Variants in TBL1XR1 observed in about 807,000 individuals in gnomAD.
TBL1XR1 encodes the protein TBL1X/Y related 1, also known as F-box-like/WD repeat-containing protein TBL1XR1.
TBL1XR1 carries 5 observed loss-of-function variants against 66.9 expected under a neutral mutation model. The observed-to-expected ratio is 0.07, with a 90% confidence interval of 0.04 to 0.16. The LOEUF (loss-of-function observed/expected upper bound fraction) is 0.16, where lower values mean the gene tolerates loss of function less well. Among genes scored for constraint, TBL1XR1 ranks in the 10% least tolerant of loss-of-function variants. The pLI, the probability that TBL1XR1 is intolerant of heterozygous loss-of-function variation, is 1.00. For synonymous variants in TBL1XR1, 210 were observed against 206.0 expected, an observed-to-expected ratio of 1.02 and a Z score of -0.17; for missense variants, 238 against 623.2, an observed-to-expected ratio of 0.38 and a Z score of 6.58.
chr3:177,039,032 T>C (rs555466684), intron 10 of TBL1XR1, among the ~76,000 whole-genome samples: 1 of 152,290 alleles, frequency 6.6e-6, no homozygotes, highest in East Asian at 1.9e-4. Flanking sequence ...ATTCCACACA[T>C]TAAATGCTTA....
intron 1 of TBL1XR1, among the ~76,000 whole-genome samples, chr3:177,131,991 TAA>T (rs903604494): frequency 3.3e-5 from 5 of 150,556 alleles, no homozygotes; most frequent in Non-Finnish European, 7.4e-5. Context: ...ATTCCTGAAA[TAA>T]GAGAGGTAAT....
At chr3:177,159,465 T>C (rs1731909590) in intron 1 of TBL1XR1, among the ~76,000 whole-genome samples, 1 of 152,160 alleles carries the variant, frequency 6.6e-6, no homozygotes, top group Non-Finnish European at 1.5e-5. Flanking sequence ...TATATATAAT[T>C]TATACACATA....
At chr3:177,165,647 A>T (rs1005759104) in intron 1 of TBL1XR1, among the ~76,000 whole-genome samples, 3 of 152,242 alleles carry the variant, frequency 2.0e-5, no homozygotes, top group Non-Finnish European at 2.9e-5. Flanking sequence ...CCCAGAATAC[A>T]TCTGTACATA....
At chr3:177,069,727 A>G (rs1294165013) in intron 2 of TBL1XR1, among the ~76,000 whole-genome samples, 1 of 151,156 alleles carries the variant, frequency 6.6e-6, no homozygotes, top group East Asian at 1.9e-4. Context: ...CAACAGAGGA[A>G]AACTCTGACG....
chr3:177,054,069 TGTGTGCGCGCGC>T (rs1295834352), intron 3 of TBL1XR1, among the ~76,000 whole-genome samples, 151 bp from the exon 4 acceptor site: 1 of 145,218 alleles, frequency 6.9e-6, no homozygotes, highest in African/African-American at 2.6e-5. Context: ...TGTGTGTGTG[TGTGTGCGCGCGC>T]GTGTGTGTGC....
chr3:177,138,469 G>T (rs1408432489), intron 1 of TBL1XR1, among the ~76,000 whole-genome samples: 2 of 152,118 alleles, frequency 1.3e-5, no homozygotes, highest in Non-Finnish European at 2.9e-5. Flanking sequence ...GCACACTCCT[G>T]TGATCCCAGC....
intron 1 of TBL1XR1, among the ~76,000 whole-genome samples, chr3:177,169,641 T>A (rs1487828912): frequency 1.3e-5 from 2 of 152,222 alleles, no homozygotes; most frequent in Non-Finnish European, 2.9e-5. Flanking sequence ...TGGTACAACT[T>A]TTCCAAAGGT....
intron 2 of TBL1XR1, among the ~76,000 whole-genome samples, chr3:177,082,738 T>TTTTTTATATATATATATATA: frequency 1.6e-5 from 1 of 63,234 alleles, no homozygotes; most frequent in Non-Finnish European, 3.0e-5. Context: ...AAGATAGAGA[T>TTTTTTATATATATATATATA]TATATATATA....
intron 1 of TBL1XR1, among the ~76,000 whole-genome samples, chr3:177,186,962 C>T (rs1482400900): frequency 1.3e-5 from 2 of 151,882 alleles, no homozygotes; most frequent in South Asian, 2.1e-4. Context: ...GTCAGGAGAT[C>T]GAGACCATCC....
Position 177,038,083 on chromosome 3 carries a change from T to C in TBL1XR1, c.1122+15A>G, listed in dbSNP as rs781151039. 6.2e-7 allele frequency: 1 copy of C among 1,611,428 alleles called. No individual in the cohort carries two copies. Among genetic ancestry groups the C allele is most frequent in the South Asian group, 1.1e-5 (1 of 90,930 alleles). On this transcript the variant is annotated intron_variant, in intron 12 of 15. Coordinates refer to ENST00000457928, the MANE Select transcript of TBL1XR1 (RefSeq NM_024665.7). ...GTGACACCGCCAACCCATTTCTCCC[T>C]ACTAAGCAAATTACCTTTAAAGTCA...
Position 177,134,969 on chromosome 3 carries a change from G to GTGTGTGTGTGTGTGTGTGTGTGTC in TBL1XR1, c.-121-36429_-121-36428insGACACACACACACACACACACACA, listed in dbSNP as rs146706429. Among the ~76,000 whole-genome samples the GTGTGTGTGTGTGTGTGTGTGTGTC allele has an allele frequency of 3.5e-3, 335 of 95,558 alleles. 1 individual carries two copies. Among genetic ancestry groups the GTGTGTGTGTGTGTGTGTGTGTGTC allele is most frequent in the Non-Finnish European group, 4.5e-3 (192 of 42,866 alleles). 62.7% of individuals were successfully genotyped at this position (95,558 alleles called of 152,430 possible). A position where few individuals can be genotyped will look rare whatever the true frequency, so the allele number is the denominator to read the frequency against. On this transcript the variant is annotated intron_variant, in intron 1 of 15. Coordinates refer to ENST00000457928, the MANE Select transcript of TBL1XR1 (RefSeq NM_024665.7). The stretch of plus-strand genomic sequence containing the variant: ...GCTGTGTGTGTGTGTGTGTGTGTCT[G>GTGTGTGTGTGTGTGTGTGTGTGTC]TGTGTGTGTCTGTGTGTGTGTGTTT...
Position 177,024,713 on chromosome 3 carries a change from G to GAAAAAAAAAAAAAAAAAAAC in TBL1XR1, c.*784_*785insGTTTTTTTTTTTTTTTTTTT, listed in dbSNP as rs148659524. ...AGCCACATCACCAAAAAACAAAAAA[G>GAAAAAAAAAAAAAAAAAAAC]AAAAAAAAAAAAAAAAAGCAAAACA... On this transcript the variant is annotated 3_prime_UTR_variant, in exon 16 of 16. Coordinates refer to ENST00000457928, the MANE Select transcript of TBL1XR1 (RefSeq NM_024665.7). 2 of 85,374 alleles carry GAAAAAAAAAAAAAAAAAAAC rather than the reference G, an allele frequency of 2.3e-5. No individual in the cohort carries two copies. Among genetic ancestry groups the GAAAAAAAAAAAAAAAAAAAC allele is most frequent in the Non-Finnish European group, 5.0e-5 (2 of 39,968 alleles). 5.3% of individuals were successfully genotyped at this position (85,374 alleles called of 1,614,324 possible). A position where few individuals can be genotyped will look rare whatever the true frequency, so the allele number is the denominator to read the frequency against.
At chr3:177,137,289 C>T (rs1269652317) in intron 1 of TBL1XR1, among the ~76,000 whole-genome samples, 2 of 151,990 alleles carry the variant, frequency 1.3e-5, no homozygotes, top group Non-Finnish European at 2.9e-5. Context: ...CCCAGGAATT[C>T]GAGACCAGCC....
intron 2 of TBL1XR1, chr3:177,091,069 TA>T (rs888259379): frequency 2.7e-5 from 4 of 145,486 alleles, no homozygotes; most frequent in African/African-American, 1.1e-4. Flanking sequence ...ATTGGGGAGA[TA>T]GGGGAGGGGA....
At chr3:177,058,201 T>A (rs1303714653) in intron 3 of TBL1XR1, among the ~76,000 whole-genome samples, 1 of 152,148 alleles carries the variant, frequency 6.6e-6, no homozygotes, top group Admixed American at 6.5e-5. Flanking sequence ...ATCTGATTGA[T>A]CCAAGGTCCT....
intron 2 of TBL1XR1, among the ~76,000 whole-genome samples, chr3:177,083,257 T>G (rs1721667500): frequency 1.3e-5 from 2 of 152,212 alleles, no homozygotes; most frequent in Admixed American, 1.3e-4. Context: ...CCATCTCCCA[T>G]TAATCATACT....
chr3:177,179,364 CTTG>C (rs1306808027), intron 1 of TBL1XR1, among the ~76,000 whole-genome samples: 1 of 152,170 alleles, frequency 6.6e-6, no homozygotes, highest in Non-Finnish European at 1.5e-5. Context: ...GAGCAATCTC[CTTG>C]TTGTACTGAC....
Position 177,166,569 on chromosome 3 carries a change from T to G in TBL1XR1, c.-122+30552A>C, listed in dbSNP as rs75349600. On this transcript the variant is annotated intron_variant, in intron 1 of 15. Coordinates refer to ENST00000457928, the MANE Select transcript of TBL1XR1 (RefSeq NM_024665.7). ...TGATGGTTTTATATGGGGCTCTTCC[T>G]ACTTCTCTTCCTTCACACTCTCTTG... Among the ~76,000 whole-genome samples, 326 of 152,332 alleles carry G rather than the reference T, an allele frequency of 2.1e-3. 2 individuals are homozygous for G. The highest frequency in any genetic ancestry group is 7.5e-3 in the African/African-American group (313 of 41,564).
At chr3:177,127,049 A>C (rs1727722346) in intron 1 of TBL1XR1, among the ~76,000 whole-genome samples, 1 of 152,206 alleles carries the variant, frequency 6.6e-6, no homozygotes, top group Admixed American at 6.5e-5. Flanking sequence ...ACAATACAAA[A>C]GTTTGATTGT....
Sources: allele counts gnomAD v4.1 joint callset (sites outside exome capture counted in the v4.1 genomes callset), GRCh38; gene constraint gnomAD v4.1.1; transcripts MANE v1.5; gene names NCBI Gene and HGNC (gene_info 2026-07-23, HGNC 2026-07-21).